The following RAPGEF2 variants were observed in gnomAD, a reference collection of about 807,000 sequenced individuals.
RAPGEF2 encodes the protein Rap guanine nucleotide exchange factor 2.
In RAPGEF2, 54 loss-of-function variants were observed where a neutral mutation model predicts 186.7. That is an observed-to-expected ratio of 0.29 (90% CI 0.23 to 0.36). The LOEUF (loss-of-function observed/expected upper bound fraction) is 0.36. RAPGEF2 is among the 10% of genes least tolerant of loss of function. The pLI, the probability that RAPGEF2 is intolerant of heterozygous loss-of-function variation, is 1.00. For missense variants in RAPGEF2, 1,532 were observed against 2,045.0 expected, an observed-to-expected ratio of 0.75 and a Z score of 4.84; for synonymous variants, 712 against 705.9, an observed-to-expected ratio of 1.01 and a Z score of -0.14.
In RAPGEF2 at chr4:159,353,736, A is replaced by G. The variant is rs779650520; in HGVS notation, c.4341A>G (p.Ala1447=). Residue 1447 remains alanine (A), a synonymous_variant, in exon 28 of 30, where the codon GCA becomes GCG. Transcript: ENST00000691494. This position sits in a 1 kb window ranked among gnomAD's most constrained non-coding sequence, Gnocchi z 4.3. ...HTHFDYSGDP[A]GLWASSSHMD... Reference sequence around the variant, plus strand: ...ACTTTGATTATTCAGGGGATCCTGCAGGTTTATGGGCATCAAGCAGCCATA... The same window carrying G: ...ACTTTGATTATTCAGGGGATCCTGCGGGTTTATGGGCATCAAGCAGCCATA... 214 of 1,611,362 alleles carry G rather than the reference A, an allele frequency of 1.3e-4. 1 individual carries two copies. The highest frequency in any genetic ancestry group is 3.3e-4 in the Middle Eastern group (2 of 6,058).
At chr4:159,300,590 G>A (rs915103727) in intron 7 of RAPGEF2, among the ~76,000 whole-genome samples, 3 of 151,830 alleles carry the variant, frequency 2.0e-5, no homozygotes, top group African/African-American at 7.3e-5. Flanking sequence ...CTTAATTATT[G>A]ATTTTATTCA....
chr4:159,240,910 A>G (rs1362324715), intron 5 of RAPGEF2: 3 of 329,654 alleles, frequency 9.1e-6, no homozygotes, highest in Non-Finnish European at 5.5e-6. Context: ...TCACTAATAA[A>G]TCAGTACAAA....
At chr4:159,211,465 G>A (rs180817773) in intron 4 of RAPGEF2, among the ~76,000 whole-genome samples, 1 of 152,306 alleles carries the variant, frequency 6.6e-6, no homozygotes, top group Admixed American at 6.5e-5. Flanking sequence ...CTAAAGTACA[G>A]GGATTGCCCC....
chr4:159,166,020 C>T (rs556222109), intron 1 of RAPGEF2, among the ~76,000 whole-genome samples: 2 of 152,162 alleles, frequency 1.3e-5, no homozygotes, highest in African/African-American at 4.8e-5. Context: ...ATTAGTGCTC[C>T]AAAGATGTAA....
At chr4:159,109,517 G>A (rs1253575912) in intron 1 of RAPGEF2, among the ~76,000 whole-genome samples, 5 of 152,178 alleles carry the variant, frequency 3.3e-5, no homozygotes, top group Non-Finnish European at 7.3e-5. Context: ...ACATTATTTA[G>A]TGTAATGCCT....
intron 8 of RAPGEF2, among the ~76,000 whole-genome samples, chr4:159,306,567 T>A (rs1763325641): frequency 6.6e-6 from 1 of 152,140 alleles, no homozygotes; most frequent in Non-Finnish European, 1.5e-5. Flanking sequence ...ATGAGATCAT[T>A]CCATCAGTGA....
chr4:159,264,251 G>A (rs574412883), intron 7 of RAPGEF2, among the ~76,000 whole-genome samples: 3 of 152,250 alleles, frequency 2.0e-5, no homozygotes, highest in South Asian at 2.1e-4. Flanking sequence ...GTAGGTTGTA[G>A]GCATGGAGCC....
chr4:159,292,093 T>A lies in RAPGEF2; in HGVS notation c.544-12249T>A, dbSNP rs923552611. On this transcript the variant is annotated intron_variant, in intron 7 of 29. Transcript: ENST00000691494. ...TGCAACATTACCACCGTTGCTGATA[T>A]TTAAAATGTGTTGAATTATTGACTC... Among the ~76,000 whole-genome samples, 5 of 152,160 alleles carry A rather than the reference T, an allele frequency of 3.3e-5. No homozygotes were observed. In the South Asian group the frequency reaches 1.0e-3, roughly 31 times the overall value.
chr4:159,304,277 T>C, intron 7 of RAPGEF2, 65 bp from the exon 8 acceptor site: 1 of 1,421,384 alleles, frequency 7.0e-7, no homozygotes, highest in Non-Finnish European at 9.6e-7. Context: ...TATTTTAATT[T>C]TAAAATGTCT....
chr4:159,302,103 A>G (rs1041662185), intron 7 of RAPGEF2, among the ~76,000 whole-genome samples: 4 of 152,210 alleles, frequency 2.6e-5, no homozygotes, highest in Admixed American at 1.3e-4. Context: ...TAACATTTCC[A>G]TGTAATTCTG....
At chr4:159,189,205 G>C (rs1415919536) in intron 2 of RAPGEF2, among the ~76,000 whole-genome samples, 1 of 152,208 alleles carries the variant, frequency 6.6e-6, no homozygotes, top group African/African-American at 2.4e-5. Flanking sequence ...TTTTCAGTCT[G>C]TTAAGTATTG....
rs983766315 is a variant in RAPGEF2 at position 159,354,160 on chromosome 4, A to C, written c.4651+114A>C. 3.2e-5 allele frequency: 37 copies of C among 1,145,204 alleles called. No homozygotes were observed. The East Asian group carries it at 9.6e-4, about 30-fold the overall frequency. The allele number at this position is 1,145,204 out of a possible 1,614,324, so 70.9% of individuals were successfully genotyped here. ...TCTTTTCCTCATTTTCTCCATTGCT[A>C]TGTAGGACTTCCAAATTAGTGGTGT... On this transcript the variant is annotated intron_variant, in intron 28 of 29. Transcript: ENST00000691494.
intron 1 of RAPGEF2, among the ~76,000 whole-genome samples, chr4:159,169,279 C>T (rs1235047596): frequency 6.6e-6 from 1 of 152,086 alleles, no homozygotes; most frequent in East Asian, 1.9e-4. Context: ...CTCAATTACA[C>T]GTCAAATTCT....
At chr4:159,263,544 CTATTA>C (rs1757109087) in intron 7 of RAPGEF2, among the ~76,000 whole-genome samples, 1 of 152,128 alleles carries the variant, frequency 6.6e-6, no homozygotes, top group Admixed American at 6.6e-5. Context: ...GAATATTTAA[CTATTA>C]AGTGAAGTAA....
At chr4:159,263,807 T>C (rs950867885) in intron 7 of RAPGEF2, among the ~76,000 whole-genome samples, 5 of 152,026 alleles carry the variant, frequency 3.3e-5, no homozygotes, top group Non-Finnish European at 4.4e-5. Context: ...AATTAGAAAG[T>C]GAATACTTTA....
At chr4:159,323,970 A>G (rs758112678) in intron 11 of RAPGEF2, among the ~76,000 whole-genome samples, 2 of 150,242 alleles carry the variant, frequency 1.3e-5, no homozygotes, top group Non-Finnish European at 3.0e-5. Context: ...GATCTCAGCT[A>G]ACTGCAACCT....
chr4:159,176,005 A>G (rs943205047), intron 1 of RAPGEF2, among the ~76,000 whole-genome samples: 1 of 152,224 alleles, frequency 6.6e-6, no homozygotes, highest in Non-Finnish European at 1.5e-5. Flanking sequence ...CAAACCTATT[A>G]AAGTGCCCAC....
chr4:159,339,324 A>G lies in RAPGEF2; in HGVS notation c.2504A>G (p.Lys835Arg), dbSNP rs572374446. ...AGAAGACTTCCAGATCAGCTTTCCA[A>G]ACTTGCAGACAGAATACAACTGAGT... is the stretch of plus-strand genomic sequence containing the variant. ...KQRRLPDQLSKLADRIQLSGR... is the reference protein window; with the variant it reads ...KQRRLPDQLSRLADRIQLSGR... The change falls in exon 19 of 30, where the codon AAA becomes AGA. Residue 835 changes from lysine (K) to arginine (R), a missense_variant. Transcript: ENST00000691494. 1 of 1,614,060 alleles carries G rather than the reference A, an allele frequency of 6.2e-7. No homozygotes were observed. The highest frequency in any genetic ancestry group is 1.3e-5 in the African/African-American group (1 of 75,040).
Position 159,353,225 on chromosome 4 carries a change from C to T in RAPGEF2, c.4092-262C>T, listed in dbSNP as rs1158362797. 6.9e-6 allele frequency among the ~76,000 whole-genome samples: 1 copy of T among 145,634 alleles called. No individual in the cohort carries two copies. The highest frequency in any genetic ancestry group is 2.6e-5 in the African/African-American group (1 of 38,082). On this transcript the variant is annotated intron_variant, in intron 27 of 29. Transcript: ENST00000691494. This position sits in a 1 kb window ranked among gnomAD's most constrained non-coding sequence, Gnocchi z 4.3. ...AAATAATCAAATTATATTGAGCCAC[C>T]CTTAATGTTGTCGGGGAATTTTTTT...
Sources: allele counts gnomAD v4.1 joint callset (sites outside exome capture counted in the v4.1 genomes callset), GRCh38; gene constraint gnomAD v4.1.1; non-coding constraint Gnocchi (gnomAD v3.1); transcripts MANE v1.5; gene names NCBI Gene and HGNC (gene_info 2026-07-23, HGNC 2026-07-21).